PLXDC2: variants seen among roughly 807,000 people sequenced by gnomAD.
The protein encoded by PLXDC2 is plexin domain-containing protein 2.
A neutral mutation model predicts 68.9 loss-of-function variants in PLXDC2; 40 were observed. The ratio of observed to expected loss-of-function variants is 0.58; its 90% CI spans 0.45 to 0.76. The LOEUF (loss-of-function observed/expected upper bound fraction) is 0.76. Ranked by LOEUF, PLXDC2 falls within the 30% of genes least tolerant of loss-of-function variation. PLXDC2 has a pLI of 0.00. For synonymous variants in PLXDC2, 243 were observed against 234.2 expected (o/e 1.04, Z -0.34); for missense variants, 644 against 661.9 (o/e 0.97, Z 0.30).
At chr10:20,061,325 G>C (rs1051906775) in intron 3 of PLXDC2, among the ~76,000 whole-genome samples, 1 of 152,130 alleles carries the variant, frequency 6.6e-6, no homozygotes. Context: ...CACTTAAAGA[G>C]TATTGGCCAG....
intron 1 of PLXDC2, among the ~76,000 whole-genome samples, chr10:19,943,125 C>G (rs1833844683): frequency 6.6e-6 from 1 of 152,170 alleles, no homozygotes; most frequent in African/African-American, 2.4e-5. Flanking sequence ...GGCTGAAGAT[C>G]AAACGTAGGC....
At chr10:19,883,569 C>CA (rs1191618460) in intron 1 of PLXDC2, among the ~76,000 whole-genome samples, 9 of 151,932 alleles carry the variant, frequency 5.9e-5, no homozygotes, top group Admixed American at 3.9e-4. Context: ...GGAACACACA[C>CA]AAAAAAATCC....
chr10:20,157,520 A>T (rs1053074353), intron 6 of PLXDC2, among the ~76,000 whole-genome samples: 2 of 152,218 alleles, frequency 1.3e-5, no homozygotes, highest in African/African-American at 4.8e-5. Flanking sequence ...GCATGCTGTT[A>T]TCTCCCTGGT....
chr10:20,132,774 A>G (rs1833884703), intron 4 of PLXDC2, among the ~76,000 whole-genome samples: 1 of 152,092 alleles, frequency 6.6e-6, no homozygotes, highest in South Asian at 2.1e-4. Flanking sequence ...GATCTTTAAA[A>G]AAAAAAAATC....
intron 2 of PLXDC2, among the ~76,000 whole-genome samples, chr10:20,018,131 A>G (rs1835244651): frequency 6.6e-6 from 1 of 152,154 alleles, no homozygotes; most frequent in South Asian, 2.1e-4. Flanking sequence ...AAAACAAAAT[A>G]TTTCTACAGG....
At chr10:19,987,138 G>A (rs1487871742) in intron 1 of PLXDC2, among the ~76,000 whole-genome samples, 2 of 152,170 alleles carry the variant, frequency 1.3e-5, no homozygotes, top group Non-Finnish European at 2.9e-5. Flanking sequence ...AGACAAGTGA[G>A]GTTAATCCCA....
chr10:20,092,666 A>C (rs184724385), intron 4 of PLXDC2, among the ~76,000 whole-genome samples: 13 of 152,202 alleles, frequency 8.5e-5, no homozygotes, highest in African/African-American at 3.1e-4. Flanking sequence ...AGAACCTGTA[A>C]ATGTTACCTC....
intron 3 of PLXDC2, among the ~76,000 whole-genome samples, chr10:20,063,815 A>G (rs1836147897): frequency 6.6e-6 from 1 of 152,142 alleles, no homozygotes; most frequent in African/African-American, 2.4e-5. Flanking sequence ...TAGGTGCCAT[A>G]AATTTACTGC....
intron 4 of PLXDC2, among the ~76,000 whole-genome samples, chr10:20,097,380 T>A (rs1223936889): frequency 6.6e-6 from 1 of 152,194 alleles, no homozygotes; most frequent in East Asian, 1.9e-4. Flanking sequence ...GACTTTGAAG[T>A]GAAAACCAAT....
Position 20,225,347 on chromosome 10 carries a change from CT to C in PLXDC2, c.1312+6248del, listed in dbSNP as rs145407462. Among the ~76,000 whole-genome samples, 1,100 of 152,266 alleles carry C rather than the reference CT, an allele frequency of 7.2e-3. 3 individuals carry two copies. Among genetic ancestry groups the C allele is most frequent in the Non-Finnish European group, 0.011 (744 of 67,996 alleles). On this transcript the variant is annotated intron_variant, in intron 12 of 13. Coordinates refer to ENST00000377252, the MANE Select transcript of PLXDC2 (RefSeq NM_032812.9). ...TACATAAATCATCAAAGCAACATAT[CT>C]TTCCCTTTTTTTCTACTTTTTGTTG... is the stretch of plus-strand genomic sequence containing the variant.
intron 1 of PLXDC2, among the ~76,000 whole-genome samples, chr10:19,840,697 A>C (rs1311840640): frequency 6.6e-6 from 1 of 152,134 alleles, no homozygotes; most frequent in Non-Finnish European, 1.5e-5. Flanking sequence ...AAAATTATTG[A>C]AAACAAATTA....
chr10:19,868,828 A>G (rs1837470823), intron 1 of PLXDC2, among the ~76,000 whole-genome samples: 1 of 152,244 alleles, frequency 6.6e-6, no homozygotes, highest in Non-Finnish European at 1.5e-5. Flanking sequence ...AGTATATAGA[A>G]ATTACCAAGA....
chr10:20,157,714 A>G (rs530138825), intron 6 of PLXDC2, among the ~76,000 whole-genome samples: 8 of 152,310 alleles, frequency 5.3e-5, no homozygotes, highest in African/African-American at 1.7e-4. Context: ...TTGTGTAGCA[A>G]TTGCAACCAC....
rs573585625 is a variant in PLXDC2 at position 20,008,281 on chromosome 10, G to A, written c.324+6295G>A. ...TCTAAAAAAAGAATGTAGGCCAGGC[G>A]TGGTGGCTTACGCCTGTAATCCCAG... On this transcript the variant is annotated intron_variant, in intron 2 of 13. Coordinates refer to ENST00000377252, the MANE Select transcript of PLXDC2 (RefSeq NM_032812.9). Among the ~76,000 whole-genome samples the A allele has an allele frequency of 1.1e-3, 164 of 152,278 alleles. 5 individuals carry two copies. In the South Asian group the frequency reaches 0.031, roughly 29 times the overall value.
chr10:20,172,126 T>G (rs1398628336), intron 7 of PLXDC2, among the ~76,000 whole-genome samples: 1 of 151,924 alleles, frequency 6.6e-6, no homozygotes, highest in Admixed American at 6.6e-5. Flanking sequence ...GGAAAAACAT[T>G]TGCTTCAGTG....
At chr10:19,988,478 G>A (rs1398252496) in intron 1 of PLXDC2, among the ~76,000 whole-genome samples, 2 of 152,004 alleles carry the variant, frequency 1.3e-5, no homozygotes, top group African/African-American at 4.8e-5. Context: ...TAATATTTAA[G>A]ATTAGGTCTC....
intron 6 of PLXDC2, among the ~76,000 whole-genome samples, chr10:20,162,131 A>AAGGAAGGAAG (rs2131812465): frequency 7.1e-6 from 1 of 141,116 alleles, no homozygotes; most frequent in East Asian, 2.1e-4. Flanking sequence ...AAGGAAGGAA[A>AAGGAAGGAAG]GAAAGAAGGA....
At chr10:19,822,546 T>C (rs1353260255) in intron 1 of PLXDC2, among the ~76,000 whole-genome samples, 2 of 152,140 alleles carry the variant, frequency 1.3e-5, no homozygotes, top group African/African-American at 4.8e-5. Flanking sequence ...TGAAGCAACT[T>C]CATATTGTTC....
chr10:20,187,771 A>T (rs1834706149), intron 9 of PLXDC2, among the ~76,000 whole-genome samples: 1 of 151,860 alleles, frequency 6.6e-6, no homozygotes, highest in South Asian at 2.1e-4. Flanking sequence ...AAAAGTGAAA[A>T]ATCAGAATCG....
Sources: gnomAD v4.1 joint callset for allele counts (sites outside exome capture counted in the v4.1 genomes callset) on GRCh38, gnomAD v4.1.1 for gene constraint, MANE v1.5 for transcripts, NCBI Gene and HGNC (gene_info 2026-07-23, HGNC 2026-07-21) for gene names.